STPG4: variants seen among roughly 807,000 people sequenced by gnomAD.
The protein encoded by STPG4 is protein STPG4.
A neutral mutation model predicts 31.5 loss-of-function variants in STPG4; 41 were observed. The ratio of observed to expected loss-of-function variants is 1.30; its 90% CI spans 1.01 to 1.69. STPG4 has a LOEUF of 1.69. Ranked by LOEUF, STPG4 falls within the 40% of genes most tolerant of loss-of-function variation. The pLI is 0.00. For synonymous variants in STPG4, 141 were observed against 103.0 expected, an observed-to-expected ratio of 1.37 and a Z score of -2.24; for missense variants, 375 against 293.4, an observed-to-expected ratio of 1.28 and a Z score of -2.03.
At chr2:47,114,777 A>AT (rs150071281) in intron 5 of STPG4, among the ~76,000 whole-genome samples, 6 of 151,522 alleles carry the variant, frequency 4.0e-5, no homozygotes, top group South Asian at 2.1e-4. Context: ...TTTTATTTTT[A>AT]TTTTTTTTAA....
intron 5 of STPG4, among the ~76,000 whole-genome samples, chr2:47,125,961 C>G (rs181228722): frequency 1.6e-4 from 25 of 152,230 alleles, no homozygotes; most frequent in Admixed American, 1.4e-3. Context: ...TTTCCTTGCA[C>G]CATTTATTGA....
intron 3 of STPG4, among the ~76,000 whole-genome samples, chr2:47,147,115 G>T (rs538256552): frequency 1.2e-4 from 18 of 152,046 alleles, no homozygotes; most frequent in Non-Finnish European, 2.5e-4. Flanking sequence ...CTGTAGCCTC[G>T]GTGACAGTGT....
intron 5 of STPG4, among the ~76,000 whole-genome samples, chr2:47,099,772 G>C (rs748437290): frequency 6.6e-6 from 1 of 152,258 alleles, no homozygotes; most frequent in African/African-American, 2.4e-5. Flanking sequence ...CGTGGCGCTT[G>C]CGGGCCAGCT....
At chr2:47,114,830 C>G (rs1686113378) in intron 5 of STPG4, among the ~76,000 whole-genome samples, 1 of 151,990 alleles carries the variant, frequency 6.6e-6, no homozygotes, top group Non-Finnish European at 1.5e-5. Flanking sequence ...TGCAGTGGTA[C>G]GATCTTGGCT....
chr2:47,097,248 G>C lies in STPG4; in HGVS notation c.520-6874C>G, dbSNP rs146129558. Among the ~76,000 whole-genome samples, 403 of 152,232 alleles carry C rather than the reference G, an allele frequency of 2.6e-3. 1 individual carries two copies. Among genetic ancestry groups the C allele is most frequent in the Middle Eastern group, 0.014 (4 of 294 alleles). ...GAGCAAATCCTTTAATATGAGATAT[G>C]ACTCAATCTTACTCCATAGTAACCA... On this transcript the variant is annotated intron_variant, in intron 5 of 6. Coordinates refer to ENST00000445927, the MANE Select transcript of STPG4 (RefSeq NM_001163561.2).
At chr2:47,111,702 A>T (rs1020100567) in intron 5 of STPG4, among the ~76,000 whole-genome samples, 8 of 152,212 alleles carry the variant, frequency 5.3e-5, no homozygotes, top group Admixed American at 1.3e-4. Flanking sequence ...TACTTATGGT[A>T]GAATATGTCC....
chr2:47,107,989 G>A (rs1249280234), intron 5 of STPG4, among the ~76,000 whole-genome samples: 1 of 151,574 alleles, frequency 6.6e-6, no homozygotes, highest in Non-Finnish European at 1.5e-5. Flanking sequence ...CTCAAGGTTT[G>A]TAAATACACC....
At chr2:47,152,383 T>A (rs1451121392) in intron 2 of STPG4, among the ~76,000 whole-genome samples, 1 of 152,216 alleles carries the variant, frequency 6.6e-6, no homozygotes, top group East Asian at 1.9e-4. Flanking sequence ...TGTGGCCATC[T>A]TTCCACTGAG....
At position 47,096,358 on chromosome 2, in the gene STPG4, C is replaced by G. The variant is rs1176650083; in HGVS notation, c.520-5984G>C. ...GGCTGGTGGAAGGGTTTGTGGGAAG[C>G]TGTGTTGGGAAAGCTAGGCCAAAAT... On this transcript the variant is annotated intron_variant, in intron 5 of 6. Coordinates refer to ENST00000445927, the MANE Select transcript of STPG4 (RefSeq NM_001163561.2). Among the ~76,000 whole-genome samples the G allele has an allele frequency of 2.0e-5, 3 of 152,164 alleles. No individual in the cohort carries two copies. The East Asian group carries it at 5.8e-4, about 29-fold the overall frequency.
chr2:47,102,733 A>C (rs1208083595), intron 5 of STPG4, among the ~76,000 whole-genome samples: 1 of 151,094 alleles, frequency 6.6e-6, no homozygotes, highest in East Asian at 1.9e-4. Flanking sequence ...ACCATAAAAA[A>C]CCCCGGGCTA....
At chr2:47,130,312 C>T (rs2103780394) in intron 3 of STPG4, 52 bp from the exon 4 acceptor site, 2 of 1,407,526 alleles carry the variant, frequency 1.4e-6, no homozygotes, top group East Asian at 2.3e-5. Context: ...TGTAAACTCA[C>T]TTCGTTATCT....
rs115265958 is a variant in STPG4, at chr2:47,135,828, C to A, written c.400-5568G>T. Among the ~76,000 whole-genome samples, 1,458 of 152,288 alleles carry A rather than the reference C, an allele frequency of 9.6e-3. 31 individuals are homozygous for A. The highest frequency in any genetic ancestry group is 0.032 in the African/African-American group (1,350 of 41,554). On this transcript the variant is annotated intron_variant, in intron 3 of 6. Transcript: ENST00000445927. ...TGTGTCTATTTCTGTATTCTCTATT[C>A]TGTTCCATTGATCTATTTGTCTATT...
chr2:47,108,268 T>C (rs1361575068), intron 5 of STPG4: 1 of 151,732 alleles, frequency 6.6e-6, no homozygotes, highest in Non-Finnish European at 1.5e-5. Flanking sequence ...GAGCCAGCAG[T>C]GGCAACCCAC....
chr2:47,098,239 T>A (rs1386175048), intron 5 of STPG4, among the ~76,000 whole-genome samples: 5 of 152,222 alleles, frequency 3.3e-5, no homozygotes, highest in African/African-American at 1.2e-4. Context: ...TGCTGCGCAC[T>A]GACAGCTCCC....
At chr2:47,129,205 G>T (rs1686422692) in intron 5 of STPG4, 1 of 152,312 alleles carries the variant, frequency 6.6e-6, no homozygotes, top group African/African-American at 2.4e-5. Flanking sequence ...CAAGCAAAAG[G>T]AAGGCCTCTC....
chr2:47,101,201 A>G (rs2103739850), intron 5 of STPG4, among the ~76,000 whole-genome samples: 1 of 151,940 alleles, frequency 6.6e-6, no homozygotes, highest in East Asian at 1.9e-4. Flanking sequence ...ACACCGGACT[A>G]AAAACATGGG....
At chr2:47,134,084 G>C (rs1364842059) in intron 3 of STPG4, among the ~76,000 whole-genome samples, 1 of 134,722 alleles carries the variant, frequency 7.4e-6, no homozygotes. Flanking sequence ...ATTTAGAACA[G>C]TTTTAGGGTC....
At chr2:47,117,930 A>T (rs11318428) in intron 5 of STPG4, among the ~76,000 whole-genome samples, 44,509 of 117,428 alleles carry the variant, frequency 0.38, 7,288 homozygotes, top group Middle Eastern at 0.58. Context: ...ATATATATAT[A>T]TTTTTTTTTT....
At chr2:47,089,955 G>T (rs538370063) in intron 6 of STPG4, among the ~76,000 whole-genome samples, 1 of 152,256 alleles carries the variant, frequency 6.6e-6, no homozygotes, top group Non-Finnish European at 1.5e-5. Flanking sequence ...GCCACTGCAG[G>T]TACCCCCAAC....
Sources: gnomAD v4.1 joint callset for allele counts (sites outside exome capture counted in the v4.1 genomes callset) on GRCh38, gnomAD v4.1.1 for gene constraint, MANE v1.5 for transcripts, NCBI Gene and HGNC (gene_info 2026-07-23, HGNC 2026-07-21) for gene names.